Variants in SUGCT observed in about 807,000 individuals in gnomAD.
SUGCT encodes the protein succinyl-CoA:glutarate-CoA transferase, also known as succinyl-CoA:glutarate CoA-transferase.
Under a neutral mutation model 55.0 loss-of-function variants are expected in SUGCT, and 41 were observed. The ratio of observed to expected loss-of-function variants is 0.74; its 90% CI spans 0.58 to 0.97. The LOEUF is 0.97. Ranked by LOEUF, SUGCT falls within the 50% of genes least tolerant of loss-of-function variation. SUGCT has a pLI of 0.00. For synonymous variants in SUGCT, 187 were observed against 200.4 expected, an observed-to-expected ratio of 0.93 and a Z score of 0.56; for missense variants, 568 against 547.8, an observed-to-expected ratio of 1.04 and a Z score of -0.37.
chr7:40,329,621 T>C (rs17171687), intron 9 of SUGCT, among the ~76,000 whole-genome samples: 17,522 of 152,158 alleles, frequency 0.12, 1,323 homozygotes, highest in East Asian at 0.44. Context: ...GTGGCAGCAT[T>C]GGCATCACCT....
intron 8 of SUGCT, among the ~76,000 whole-genome samples, chr7:40,300,009 C>T (rs1794439816): frequency 6.6e-6 from 1 of 151,934 alleles, no homozygotes; most frequent in African/African-American, 2.4e-5. Context: ...GGTTGTTTTT[C>T]CTGGATGCAT....
rs142004430 is a variant in SUGCT at position 40,375,200 on chromosome 7, G to A, written c.816+58345G>A. The stretch of plus-strand genomic sequence containing the variant: ...GTCCTGAGTGTTGCTGTGAATACTG[G>A]CTGATGTTAGTAGTACACTTTTGAG... On this transcript the variant is annotated intron_variant, in intron 9 of 13. Transcript: ENST00000335693. Among the ~76,000 whole-genome samples the A allele has an allele frequency of 1.5e-3, 222 of 152,298 alleles. 2 individuals are homozygous for A. Among genetic ancestry groups the A allele is most frequent in the Middle Eastern group, 0.014 (4 of 294 alleles).
At chr7:40,367,418 A>G (rs1784050782) in intron 9 of SUGCT, among the ~76,000 whole-genome samples, 1 of 147,642 alleles carries the variant, frequency 6.8e-6, no homozygotes, top group South Asian at 2.2e-4. Context: ...AAGTATAATA[A>G]TAATAAAATA....
chr7:41,002,287 CTGGGAT>C, the SUGCT span, among the ~76,000 whole-genome samples: 1 of 152,176 alleles, frequency 6.6e-6, no homozygotes, highest in Non-Finnish European at 1.5e-5. Context: ...TCCCAAAGTG[CTGGGAT>C]TACAGGCATG....
chr7:40,886,366 T>C, the SUGCT span, among the ~76,000 whole-genome samples: 5 of 152,136 alleles, frequency 3.3e-5, no homozygotes, highest in Non-Finnish European at 1.5e-5. Context: ...GCACCATCAC[T>C]TGGAGCTCCA....
intron 8 of SUGCT, among the ~76,000 whole-genome samples, chr7:40,295,158 G>A (rs995450514): frequency 6.6e-6 from 1 of 151,716 alleles, no homozygotes; most frequent in African/African-American, 2.4e-5. Flanking sequence ...ATTCATATTA[G>A]AAAAAAATGC....
chr7:40,658,283 T>C (rs10251707), intron 12 of SUGCT, among the ~76,000 whole-genome samples: 37,919 of 152,048 alleles, frequency 0.25, 5,639 homozygotes, highest in African/African-American at 0.43. Flanking sequence ...CATGAAATGG[T>C]CTTGGTTTTT....
intron 9 of SUGCT, among the ~76,000 whole-genome samples, chr7:40,393,124 C>T (rs541142311): frequency 2.0e-5 from 3 of 152,180 alleles, no homozygotes; most frequent in Admixed American, 2.0e-4. Flanking sequence ...GTGGTAGGTG[C>T]TATTATTACA....
chr7:40,263,204 G>A (rs1299100503), intron 7 of SUGCT, among the ~76,000 whole-genome samples: 3 of 152,192 alleles, frequency 2.0e-5, no homozygotes, highest in African/African-American at 7.2e-5. Context: ...TTACAGGCAT[G>A]AGCCACGGTG....
intron 1 of SUGCT, among the ~76,000 whole-genome samples, chr7:40,168,240 A>T (rs1369643996): frequency 2.0e-5 from 3 of 152,166 alleles, no homozygotes; most frequent in Non-Finnish European, 4.4e-5. Flanking sequence ...CCCAACAGGA[A>T]AACCCAAGTG....
intron 7 of SUGCT, among the ~76,000 whole-genome samples, chr7:40,242,900 A>G (rs1239479426): frequency 1.1e-5 from 1 of 87,594 alleles, no homozygotes; most frequent in Non-Finnish European, 2.1e-5. Context: ...GTACTGTGCT[A>G]TGTGGCATAT....
intron 12 of SUGCT, among the ~76,000 whole-genome samples, chr7:40,628,593 C>G (rs753603691): frequency 3.3e-5 from 5 of 152,228 alleles, no homozygotes; most frequent in African/African-American, 9.6e-5. Context: ...TTAACACCAA[C>G]AACTGCAAGT....
chr7:40,735,328 G>A (rs1787098528), intron 12 of SUGCT, among the ~76,000 whole-genome samples: 1 of 152,100 alleles, frequency 6.6e-6, no homozygotes, highest in Non-Finnish European at 1.5e-5. Flanking sequence ...TTTAATAGTT[G>A]TTATTTTTCG....
At chr7:40,295,549 C>T (rs912099694) in intron 8 of SUGCT, among the ~76,000 whole-genome samples, 1 of 152,016 alleles carries the variant, frequency 6.6e-6, no homozygotes, top group African/African-American at 2.4e-5. Context: ...GCACTCCAGC[C>T]TGGGTGATAA....
chr7:40,355,843 G>A (rs1436686730), intron 9 of SUGCT, among the ~76,000 whole-genome samples: 3 of 152,180 alleles, frequency 2.0e-5, no homozygotes, highest in Non-Finnish European at 2.9e-5. Context: ...GTCTTTTCAC[G>A]CAGAAAGGTG....
chr7:40,155,247 T>C (rs1183926259), intron 1 of SUGCT, among the ~76,000 whole-genome samples: 4 of 149,858 alleles, frequency 2.7e-5, no homozygotes, highest in African/African-American at 9.9e-5. Flanking sequence ...ATTGCGCCAC[T>C]GCACTCCAGC....
At chr7:41,014,417 A>G in the SUGCT span, among the ~76,000 whole-genome samples, 4 of 152,120 alleles carry the variant, frequency 2.6e-5, no homozygotes, top group East Asian at 7.7e-4. Flanking sequence ...TTTATTCACC[A>G]CCTCCTCCTT....
At chr7:40,184,801 T>G (rs941185684) in intron 3 of SUGCT, among the ~76,000 whole-genome samples, 1 of 152,212 alleles carries the variant, frequency 6.6e-6, no homozygotes, top group African/African-American at 2.4e-5. Flanking sequence ...TATAATTACA[T>G]CAACTTAGTA....
chr7:40,996,056 C>T, the SUGCT span, among the ~76,000 whole-genome samples: 2 of 152,308 alleles, frequency 1.3e-5, no homozygotes, highest in Admixed American at 1.3e-4. Flanking sequence ...AATTTTGTCA[C>T]AGATGGAGAA....
Sources: gnomAD v4.1 joint callset for allele counts (sites outside exome capture counted in the v4.1 genomes callset) on GRCh38, gnomAD v4.1.1 for gene constraint, MANE v1.5 for transcripts, NCBI Gene and HGNC (gene_info 2026-07-23, HGNC 2026-07-21) for gene names.